The following SLC14A2 variants were observed in gnomAD, a reference collection of about 807,000 sequenced individuals.
The protein encoded by SLC14A2 is solute carrier family 14 member 2.
In SLC14A2, 91 loss-of-function variants were observed where a neutral mutation model predicts 104.6. The ratio of observed to expected loss-of-function variants is 0.87; its 90% confidence interval spans 0.73 to 1.04. The LOEUF is 1.04. Ranked by LOEUF, SLC14A2 falls within the 50% of genes least tolerant of loss-of-function variation. The pLI, the probability that SLC14A2 is intolerant of heterozygous loss-of-function variation, is 0.00. For missense variants in SLC14A2, 1,189 were observed against 1,156.0 expected (o/e 1.03, Z -0.41); for synonymous variants, 476 against 466.4 (o/e 1.02, Z -0.27).
chr18:45,386,621 G>A (rs2085899977), intron 1 of SLC14A2, among the ~76,000 whole-genome samples: 2 of 152,160 alleles, frequency 1.3e-5, no homozygotes, highest in Admixed American at 6.5e-5. Context: ...CTAACACATA[G>A]CGCAGACTCC....
At chr18:45,552,697 G>T (rs1598996120) in intron 2 of SLC14A2, among the ~76,000 whole-genome samples, 1 of 152,224 alleles carries the variant, frequency 6.6e-6, no homozygotes, top group South Asian at 2.1e-4. Context: ...CTGGAAAGGG[G>T]GAAGGAGACC....
At chr18:45,593,983 C>T (rs1350059844) in intron 2 of SLC14A2, among the ~76,000 whole-genome samples, 3 of 152,174 alleles carry the variant, frequency 2.0e-5, no homozygotes, top group African/African-American at 7.2e-5. Context: ...TATAACTGAC[C>T]AGTGGAGAGG....
At chr18:45,461,780 G>A (rs925474450) in intron 1 of SLC14A2, among the ~76,000 whole-genome samples, 2 of 152,166 alleles carry the variant, frequency 1.3e-5, no homozygotes, top group Non-Finnish European at 2.9e-5. Flanking sequence ...GGGTTAAGGA[G>A]AATTACTCAT....
At chr18:45,480,568 C>T (rs945002304) in intron 1 of SLC14A2, among the ~76,000 whole-genome samples, 1 of 152,242 alleles carries the variant, frequency 6.6e-6, no homozygotes, top group Non-Finnish European at 1.5e-5. Flanking sequence ...TCTCTGCCCA[C>T]AGCCAGGTAC....
At chr18:45,386,933 T>G (rs1242419870) in intron 1 of SLC14A2, among the ~76,000 whole-genome samples, 1 of 152,234 alleles carries the variant, frequency 6.6e-6, no homozygotes, top group Non-Finnish European at 1.5e-5. Context: ...TTGTTATTAT[T>G]AGAATAATTG....
chr18:45,468,688 A>G (rs928373565), intron 1 of SLC14A2, among the ~76,000 whole-genome samples: 2 of 152,242 alleles, frequency 1.3e-5, no homozygotes, highest in African/African-American at 4.8e-5. Flanking sequence ...AATGATGGTT[A>G]GAAATTGGGT....
the SLC14A2 span, among the ~76,000 whole-genome samples, chr18:45,203,585 C>T: frequency 1.2e-4 from 18 of 152,238 alleles, no homozygotes; most frequent in African/African-American, 3.9e-4. Flanking sequence ...ATCTGACATG[C>T]TTGTTAGCCA....
intron 10 of SLC14A2, among the ~76,000 whole-genome samples, chr18:45,652,026 T>A (rs1441425561): frequency 6.6e-6 from 1 of 152,196 alleles, no homozygotes; most frequent in African/African-American, 2.4e-5. Flanking sequence ...GCAGCCTGAG[T>A]TTGTGGTTAT....
intron 1 of SLC14A2, among the ~76,000 whole-genome samples, chr18:45,432,621 C>A (rs1269976120): frequency 6.6e-6 from 1 of 152,150 alleles, no homozygotes; most frequent in African/African-American, 2.4e-5. Context: ...TCACACCCAG[C>A]CACTAATTTT....
At chr18:45,273,987 C>T (rs1220061385) in intron 1 of SLC14A2, among the ~76,000 whole-genome samples, 1 of 152,124 alleles carries the variant, frequency 6.6e-6, no homozygotes, top group African/African-American at 2.4e-5. Context: ...AATTCTAAGA[C>T]AGAACTAATG....
chr18:45,543,802 T>C (rs1346351376), intron 2 of SLC14A2, among the ~76,000 whole-genome samples: 4 of 152,238 alleles, frequency 2.6e-5, no homozygotes, highest in African/African-American at 9.6e-5. Flanking sequence ...ACTTGGATTT[T>C]AAGAGTGTTC....
intron 1 of SLC14A2, among the ~76,000 whole-genome samples, chr18:45,430,125 A>G (rs149095502): frequency 6.6e-6 from 1 of 152,198 alleles, no homozygotes; most frequent in Non-Finnish European, 1.5e-5. Flanking sequence ...TCAATTCATG[A>G]GAGTATAGTT....
chr18:45,417,903 T>C (rs1353842013), intron 1 of SLC14A2, among the ~76,000 whole-genome samples: 3 of 152,174 alleles, frequency 2.0e-5, no homozygotes, highest in Admixed American at 6.5e-5. Context: ...AAGCCACCAA[T>C]ATTGCCAACT....
chr18:45,484,010 T>C (rs902693490), intron 2 of SLC14A2, among the ~76,000 whole-genome samples: 2 of 152,200 alleles, frequency 1.3e-5, no homozygotes, highest in Non-Finnish European at 2.9e-5. Flanking sequence ...GGATCTATAA[T>C]AGAATAGCTG....
intron 1 of SLC14A2, among the ~76,000 whole-genome samples, chr18:45,271,540 CA>C (rs2084650588): frequency 6.6e-6 from 1 of 151,804 alleles, no homozygotes. Context: ...AAACACAAAT[CA>C]AAAAGTAATC....
At chr18:45,284,419 T>A (rs948617055) in intron 1 of SLC14A2, among the ~76,000 whole-genome samples, 1 of 152,158 alleles carries the variant, frequency 6.6e-6, no homozygotes, top group East Asian at 1.9e-4. Flanking sequence ...TCTCTGTGTT[T>A]GGCAATGTTT....
At chr18:45,451,671 G>A (rs2086859958) in intron 1 of SLC14A2, among the ~76,000 whole-genome samples, 1 of 136,720 alleles carries the variant, frequency 7.3e-6, no homozygotes, top group Non-Finnish European at 1.5e-5. Context: ...CTTAGAGACA[G>A]TTTATCTATG....
chr18:45,589,722 T>G (rs918639975), intron 2 of SLC14A2, among the ~76,000 whole-genome samples: 74 of 152,316 alleles, frequency 4.9e-4, no homozygotes, highest in African/African-American at 1.7e-3. Context: ...AAAACCCTAT[T>G]AAATTCATGA....
At chr18:45,365,079 C>T (rs2085653437) in intron 1 of SLC14A2, among the ~76,000 whole-genome samples, 1 of 152,182 alleles carries the variant, frequency 6.6e-6, no homozygotes. Context: ...TAGGGGTCTT[C>T]TCCCTTCTTC....
Sources: allele counts gnomAD v4.1 joint callset (sites outside exome capture counted in the v4.1 genomes callset), GRCh38; gene constraint gnomAD v4.1.1; transcripts MANE v1.5; gene names NCBI Gene and HGNC (gene_info 2026-07-23, HGNC 2026-07-21).